NEO1: variants seen among roughly 807,000 people sequenced by gnomAD.
NEO1 encodes the protein neogenin 1.
Under a neutral mutation model 159.7 loss-of-function variants are expected in NEO1, and 63 were observed. That is an observed-to-expected ratio of 0.39 (90% CI 0.32 to 0.49). The LOEUF (loss-of-function observed/expected upper bound fraction) is 0.49, where lower values mean the gene tolerates loss of function less well. NEO1 is among the 20% of genes least tolerant of loss of function. NEO1 has a pLI of 0.85. For synonymous variants in NEO1, 633 were observed against 662.0 expected (o/e 0.96, Z 0.67); for missense variants, 1,615 against 1,831.0 (o/e 0.88, Z 2.15).
At chr15:73,200,057 A>T (rs2036769176) in intron 7 of NEO1, among the ~76,000 whole-genome samples, 1 of 152,168 alleles carries the variant, frequency 6.6e-6, no homozygotes, top group African/African-American at 2.4e-5. Flanking sequence ...GCTTTATAGA[A>T]TGAGGAAATG....
rs75702823 is a variant in NEO1, at chr15:73,297,991, A to G, written c.3902-357A>G. On this transcript the variant is annotated intron_variant, in intron 26 of 28. Transcript: ENST00000261908. Reference sequence around the variant, plus strand: ...GGTTGTCTATGAAAGGCCACTGTCTAAGATTCCAGTGAGTGAAGTTTTTAA... The same window carrying G: ...GGTTGTCTATGAAAGGCCACTGTCTGAGATTCCAGTGAGTGAAGTTTTTAA... Among the ~76,000 whole-genome samples, 192 of 152,370 alleles carry G rather than the reference A, an allele frequency of 1.3e-3. 1 individual carries two copies. The highest frequency in any genetic ancestry group is 2.2e-3 in the Non-Finnish European group (152 of 68,024).
chr15:73,174,867 T>C (rs1384985129), intron 5 of NEO1, among the ~76,000 whole-genome samples: 1 of 152,222 alleles, frequency 6.6e-6, no homozygotes, highest in East Asian at 1.9e-4. Flanking sequence ...TATTAATAGA[T>C]TTCCCTGATT....
intron 1 of NEO1, among the ~76,000 whole-genome samples, chr15:73,054,864 G>C (rs1340966563): frequency 6.6e-6 from 1 of 152,216 alleles, no homozygotes; most frequent in East Asian, 1.9e-4. Flanking sequence ...CCGCAAATCA[G>C]ATGTCCTTTG....
intron 7 of NEO1, among the ~76,000 whole-genome samples, chr15:73,232,647 A>G (rs981668643): frequency 2.0e-4 from 31 of 152,134 alleles, no homozygotes; most frequent in Non-Finnish European, 3.7e-4. Context: ...ATATGTGCAG[A>G]GGTTACCAAG....
At chr15:73,229,990 T>C (rs905015869) in intron 7 of NEO1, among the ~76,000 whole-genome samples, 1 of 152,182 alleles carries the variant, frequency 6.6e-6, no homozygotes, top group Non-Finnish European at 1.5e-5. Flanking sequence ...GTCTGTTGCT[T>C]TCTTTTCATG....
chr15:73,288,408 G>T lies in NEO1; in HGVS notation c.3506G>T (p.Arg1169Ile). Residue 1169 changes from arginine to isoleucine, a missense_variant, in exon 24 of 29, where the codon AGA becomes ATA. By Grantham distance (97) the Arg-to-Ile change is moderately conservative. This residue lies in a region of NEO1 where 471 missense variants were observed against 498.9 expected (regional missense o/e 0.94). Transcript: ENST00000261908. Reference sequence around the variant, plus strand: ...CCAGATCTCTGGATCCATCATGAGAGACTGGAGCTGAAACCCATTGATAAG... The same window carrying T: ...CCAGATCTCTGGATCCATCATGAGATACTGGAGCTGAAACCCATTGATAAG... Reference protein sequence around the residue: ...KPPDLWIHHERLELKPIDKSP... With the variant: ...KPPDLWIHHEILELKPIDKSP... 1 of 1,614,138 alleles carries T rather than the reference G, an allele frequency of 6.2e-7. No homozygotes were observed. Among genetic ancestry groups the T allele is most frequent in the Non-Finnish European group, 8.5e-7 (1 of 1,180,020 alleles).
intron 24 of NEO1, 94 bp downstream of exon 24, chr15:73,288,645 A>G (rs1596611161): frequency 9.8e-7 from 1 of 1,025,074 alleles, no homozygotes; most frequent in African/African-American, 1.6e-5. Context: ...TCATTTGGCA[A>G]TTCCTATATG....
Position 73,178,368 on chromosome 15 carries a change from T to C in NEO1, c.1232T>C (p.Ile411Thr), listed in dbSNP as rs759093516. The change falls in exon 7 of 29, where the codon ATT becomes ACT. Residue 411 changes from isoleucine to threonine, a missense_variant. By Grantham distance (89) the Ile-to-Thr change is moderately conservative (BLOSUM62 -1). Around this residue, in one of 3 missense-constraint regions of NEO1, gnomAD observed 1,018 missense variants for 1,115.4 expected, o/e 0.91. Coordinates refer to ENST00000261908, the MANE Select transcript of NEO1 (RefSeq NM_002499.4). The stretch of plus-strand genomic sequence containing the variant: ...TCAGATGAAGGGTTCTATCAGTGCA[T>C]TGCTGAAAATGATGTTGGAAATGCA... ...VKSDEGFYQC[I>T]AENDVGNAQA... 1.9e-6 allele frequency: 3 copies of C among 1,613,876 alleles called. No homozygotes were observed. The highest frequency in any genetic ancestry group is 1.1e-5 in the South Asian group (1 of 91,062).
At chr15:73,142,586 G>A (rs547871914) in intron 5 of NEO1, among the ~76,000 whole-genome samples, 8 of 151,966 alleles carry the variant, frequency 5.3e-5, no homozygotes, top group Non-Finnish European at 1.0e-4. Flanking sequence ...ATCCAACATC[G>A]CAGTGAAAAT....
intron 5 of NEO1, among the ~76,000 whole-genome samples, chr15:73,154,000 G>A (rs1035149207): frequency 6.6e-6 from 1 of 151,950 alleles, no homozygotes; most frequent in African/African-American, 2.4e-5. Flanking sequence ...TATTTCCAAG[G>A]TATAATTTAT....
intron 14 of NEO1, 92 bp from the exon 15 acceptor site, chr15:73,260,179 T>C (rs2040558018): frequency 1.4e-5 from 17 of 1,189,012 alleles, no homozygotes; most frequent in Non-Finnish European, 1.9e-5. Flanking sequence ...CCCCAAACAG[T>C]GTGGTAGGAA....
intron 7 of NEO1, among the ~76,000 whole-genome samples, chr15:73,209,536 A>G (rs1371990283): frequency 6.6e-6 from 1 of 152,100 alleles, no homozygotes; most frequent in African/African-American, 2.4e-5. Flanking sequence ...GCTCTTTGCA[A>G]TGGAGGAAAT....
At chr15:73,080,800 G>A (rs377060406) in intron 1 of NEO1, among the ~76,000 whole-genome samples, 1 of 152,148 alleles carries the variant, frequency 6.6e-6, no homozygotes, top group Non-Finnish European at 1.5e-5. Context: ...GAGAAGTTGG[G>A]TAGGACTGGA....
intron 7 of NEO1, among the ~76,000 whole-genome samples, chr15:73,228,469 T>G (rs987314453): frequency 1.7e-4 from 25 of 148,650 alleles, no homozygotes; most frequent in African/African-American, 4.6e-4. Flanking sequence ...GTATAAGTTT[T>G]TTTTTTTTTT....
At chr15:73,126,659 T>C in intron 4 of NEO1, 89 bp downstream of exon 4, 4 of 1,226,298 alleles carry the variant, frequency 3.3e-6, no homozygotes, top group Non-Finnish European at 4.5e-6. Context: ...TTTAAAAAGA[T>C]TATCAACTTT....
chr15:73,225,235 G>A (rs191973863), intron 7 of NEO1, among the ~76,000 whole-genome samples: 13 of 152,270 alleles, frequency 8.5e-5, no homozygotes, highest in African/African-American at 3.1e-4. Flanking sequence ...CTCTGTGAGA[G>A]TTCTTAGCTT....
chr15:73,249,823 C>T (rs537209833), intron 11 of NEO1, 102 bp downstream of exon 11: 1 of 1,295,084 alleles, frequency 7.7e-7, no homozygotes, highest in African/African-American at 1.5e-5. Flanking sequence ...AGTTCAAATC[C>T]CAATTTTACC....
intron 7 of NEO1, among the ~76,000 whole-genome samples, chr15:73,235,096 C>A (rs1397457905): frequency 6.6e-6 from 1 of 152,152 alleles, no homozygotes; most frequent in Non-Finnish European, 1.5e-5. Flanking sequence ...GTTGGTCCTC[C>A]TTTGCCATTT....
chr15:73,170,889 C>T (rs963948303), intron 5 of NEO1, among the ~76,000 whole-genome samples: 20 of 151,736 alleles, frequency 1.3e-4, no homozygotes, highest in East Asian at 1.9e-4. Context: ...TATTTTGCAC[C>T]GCCTGATGGG....
Sources: allele counts gnomAD v4.1 joint callset (sites outside exome capture counted in the v4.1 genomes callset), GRCh38; gene constraint gnomAD v4.1.1; regional missense constraint gnomAD v4.1.1; transcripts MANE v1.5; gene names NCBI Gene and HGNC (gene_info 2026-07-23, HGNC 2026-07-21).